IL1RAPL1: variants seen among roughly 807,000 people sequenced by gnomAD.
The protein encoded by IL1RAPL1 is interleukin 1 receptor accessory protein like 1.
In IL1RAPL1, 3 loss-of-function variants were observed where a neutral mutation model predicts 48.4. The observed-to-expected ratio is 0.06, with a 90% confidence interval of 0.03 to 0.16. IL1RAPL1 has a LOEUF of 0.16. Ranked by LOEUF, IL1RAPL1 falls within the 10% of genes least tolerant of loss-of-function variation. The pLI is 1.00. For missense variants in IL1RAPL1, 349 were observed against 530.6 expected (o/e 0.66, Z 3.36); for synonymous variants, 185 against 187.7 (o/e 0.99, Z 0.12).
intron 1 of IL1RAPL1, among the ~76,000 whole-genome samples, chrX:28,768,822 GTGTA>G (rs1329433448): frequency 0.052 from 2,735 of 52,736 alleles, 74 homozygotes; most frequent in African/African-American, 0.15. Context: ...TAATGTGTGT[GTGTA>G]TATATATATA....
chrX:29,726,905 G>A (rs775139627), intron 6 of IL1RAPL1, among the ~76,000 whole-genome samples: 49 of 112,045 alleles, frequency 4.4e-4, no homozygotes, highest in Non-Finnish European at 6.4e-4. Flanking sequence ...GGTTTGATGT[G>A]TTGAGGTTAA....
chrX:29,546,328 C>T (rs1921625810), intron 5 of IL1RAPL1, among the ~76,000 whole-genome samples: 1 of 111,250 alleles, frequency 9.0e-6, no homozygotes, highest in Admixed American at 9.6e-5. Context: ...TATTAATTCT[C>T]AAAAACTATA....
At chrX:28,912,266 TATATC>T (rs1232745253) in intron 2 of IL1RAPL1, among the ~76,000 whole-genome samples, 1 of 110,053 alleles carries the variant, frequency 9.1e-6, no homozygotes, top group African/African-American at 3.3e-5. Flanking sequence ...CATGCTGTCT[TATATC>T]ATAGTAGATA....
intron 5 of IL1RAPL1, among the ~76,000 whole-genome samples, chrX:29,462,503 C>T (rs922477318): frequency 3.6e-5 from 4 of 111,320 alleles, no homozygotes; most frequent in African/African-American, 6.5e-5. Context: ...AGCATGAATA[C>T]TTCATAATTA....
chrX:28,741,496 T>A (rs1300156131), intron 1 of IL1RAPL1, among the ~76,000 whole-genome samples: 1 of 112,333 alleles, frequency 8.9e-6, no homozygotes, highest in East Asian at 2.8e-4. Context: ...GTAGGGTGTC[T>A]GTTTACTCTG....
intron 6 of IL1RAPL1, among the ~76,000 whole-genome samples, chrX:29,878,939 A>C (rs1931966341): frequency 9.0e-6 from 1 of 111,722 alleles, no homozygotes; most frequent in Non-Finnish European, 1.9e-5. Context: ...TCACACAAAA[A>C]CCTGCACATG....
intron 5 of IL1RAPL1, among the ~76,000 whole-genome samples, chrX:29,549,778 AACTTG>A (rs1251026997): frequency 3.6e-5 from 4 of 112,074 alleles, no homozygotes; most frequent in Non-Finnish European, 5.6e-5. Context: ...TTGGGATGAA[AACTTG>A]ACTTCTTTAA....
chrX:28,676,603 C>G (rs1465656502), intron 1 of IL1RAPL1, among the ~76,000 whole-genome samples: 4 of 109,875 alleles, frequency 3.6e-5, no homozygotes, highest in African/African-American at 1.3e-4. Flanking sequence ...CATGGTGGCG[C>G]TCGCCTATCC....
intron 2 of IL1RAPL1, among the ~76,000 whole-genome samples, chrX:28,950,672 TG>T (rs1267225163): frequency 3.7e-5 from 4 of 109,058 alleles, no homozygotes; most frequent in African/African-American, 1.0e-4. Context: ...ACACTGTTGG[TG>T]GGACTGTAAA....
chrX:29,589,026 G>T (rs1358654284), intron 5 of IL1RAPL1, among the ~76,000 whole-genome samples: 1 of 111,248 alleles, frequency 9.0e-6, no homozygotes, highest in Admixed American at 9.6e-5. Flanking sequence ...GACATAATTG[G>T]TAGGCATGTT....
intron 1 of IL1RAPL1, among the ~76,000 whole-genome samples, chrX:28,768,699 CTG>C (rs777582130): frequency 7.5e-5 from 5 of 67,099 alleles, no homozygotes; most frequent in Non-Finnish European, 7.9e-5. Context: ...CTCTCTCTCT[CTG>C]TTTCTCTCTC....
chrX:29,644,858 C>A (rs138348474), intron 5 of IL1RAPL1, among the ~76,000 whole-genome samples: 1 of 112,495 alleles, frequency 8.9e-6, no homozygotes, highest in African/African-American at 3.2e-5. Context: ...AGAGCCACCA[C>A]GCCCAGCCTC....
intron 2 of IL1RAPL1, among the ~76,000 whole-genome samples, chrX:28,894,848 G>A (rs1601947897): frequency 9.0e-6 from 1 of 111,296 alleles, no homozygotes; most frequent in South Asian, 3.8e-4. Flanking sequence ...TTGTAGAAGG[G>A]ATTGGGGTTT....
intron 5 of IL1RAPL1, among the ~76,000 whole-genome samples, chrX:29,466,146 G>A (rs919128925): frequency 6.2e-5 from 7 of 112,088 alleles, no homozygotes; most frequent in African/African-American, 2.3e-4. Flanking sequence ...CAGATACCTT[G>A]TATTTTATCT....
chrX:28,855,470 G>A (rs1435842265), intron 2 of IL1RAPL1, among the ~76,000 whole-genome samples: 1 of 111,458 alleles, frequency 9.0e-6, no homozygotes, highest in African/African-American at 3.3e-5. Flanking sequence ...CACCAAAGAA[G>A]GGGGAAGTAA....
chrX:28,986,183 A>G (rs146552822), intron 2 of IL1RAPL1, among the ~76,000 whole-genome samples: 171 of 111,905 alleles, frequency 1.5e-3, no homozygotes, highest in Non-Finnish European at 2.2e-3. Context: ...TGACACTACA[A>G]CAACCTCAAA....
chrX:28,756,594 T>C (rs1361470923), intron 1 of IL1RAPL1, among the ~76,000 whole-genome samples: 1 of 112,330 alleles, frequency 8.9e-6, no homozygotes, highest in Non-Finnish European at 1.9e-5. Flanking sequence ...TCTACTGGAC[T>C]GGCTCATACT....
chrX:28,695,253 A>G (rs1259778267), intron 1 of IL1RAPL1, among the ~76,000 whole-genome samples: 2 of 111,273 alleles, frequency 1.8e-5, no homozygotes, highest in African/African-American at 6.5e-5. Context: ...TGGGAGTTCT[A>G]CGTGTCATAT....
At chrX:29,158,812 T>G (rs1301831514) in intron 2 of IL1RAPL1, among the ~76,000 whole-genome samples, 1 of 111,254 alleles carries the variant, frequency 9.0e-6, no homozygotes, top group African/African-American at 3.3e-5. Flanking sequence ...CTATTGCTCT[T>G]TCATCTCAAA....
Sources: allele counts gnomAD v4.1 joint callset (sites outside exome capture counted in the v4.1 genomes callset), GRCh38; gene constraint gnomAD v4.1.1; transcripts MANE v1.5; gene names NCBI Gene and HGNC (gene_info 2026-07-23, HGNC 2026-07-21).